Variants in BANP observed in about 807,000 individuals in gnomAD.
BANP encodes the protein BTG3 associated nuclear protein.
Under a neutral mutation model 68.1 loss-of-function variants are expected in BANP, and 11 were observed. The observed-to-expected ratio is 0.16, with a 90% CI of 0.10 to 0.27. BANP has a LOEUF of 0.27. Among genes scored for constraint, BANP ranks in the 10% least tolerant of loss-of-function variants. BANP has a pLI of 1.00. For synonymous variants in BANP, 329 were observed against 303.2 expected, an observed-to-expected ratio of 1.09 and a Z score of -0.88; for missense variants, 504 against 722.7, an observed-to-expected ratio of 0.70 and a Z score of 3.47.
At chr16:88,019,036 G>A (rs75697917) in intron 7 of BANP, among the ~76,000 whole-genome samples, 37 of 18,392 alleles carry the variant, frequency 2.0e-3, no homozygotes, top group African/African-American at 3.2e-3. Context: ...AGGCCCCCCT[G>A]AGCCTCTCCT....
chr16:88,046,349 CA>C (rs1436381145), intron 11 of BANP, among the ~76,000 whole-genome samples: 1 of 152,184 alleles, frequency 6.6e-6, no homozygotes. Flanking sequence ...CCTTTTAAAG[CA>C]GGTCATCTGA....
intron 4 of BANP, among the ~76,000 whole-genome samples, chr16:87,988,717 C>CAGATAA (rs2065101712): frequency 6.6e-6 from 1 of 152,196 alleles, no homozygotes; most frequent in Non-Finnish European, 1.5e-5. Context: ...TCTTGCAGCA[C>CAGATAA]AGATGCAGAC....
At chr16:87,953,703 A>G (rs2057456098) in intron 1 of BANP, among the ~76,000 whole-genome samples, 4 of 152,044 alleles carry the variant, frequency 2.6e-5, no homozygotes, top group Admixed American at 2.6e-4. Flanking sequence ...TTCTCTTGGC[A>G]CTTTCTGTTC....
intron 6 of BANP, among the ~76,000 whole-genome samples, chr16:88,015,364 C>T (rs781346272): frequency 5.9e-5 from 9 of 152,186 alleles, no homozygotes; most frequent in Admixed American, 2.6e-4. Context: ...CTGCCTGTGC[C>T]AGTTCAGCTC....
intron 1 of BANP, chr16:87,970,299 A>C (rs1024264025): frequency 1.3e-5 from 2 of 152,232 alleles, no homozygotes; most frequent in African/African-American, 4.8e-5. Flanking sequence ...AATTAGATTC[A>C]GCATTTTTGT....
chr16:88,004,341 G>A lies in BANP; in HGVS notation c.409G>A (p.Ala137Thr), dbSNP rs768571427. Residue 137 changes from alanine to threonine, a missense_variant, in exon 5 of 14, where the codon GCC (alanine) becomes ACC (threonine). This residue lies in a region of BANP where 238 missense variants were observed against 278.9 expected (regional missense o/e 0.85). Coordinates refer to ENST00000682872, the MANE Select transcript of BANP (RefSeq NM_001386991.1). The surrounding 1 kb of genome is among the most constrained non-coding windows in gnomAD (Gnocchi z 7.0). ...AATACTCAACAATGATCGGCAGAAC[G>A]CCATTGTAGCCAAGATGGAAGACCC... Reference protein sequence around the residue: ...TVILNNDRQNAIVAKMEDPLS... With the variant: ...TVILNNDRQNTIVAKMEDPLS... 16 of 1,550,180 alleles carry A rather than the reference G, an allele frequency of 1.0e-5. No homozygotes were observed. The highest frequency in any genetic ancestry group is 2.0e-5 in the Admixed American group (1 of 50,980).
At chr16:88,001,459 C>G (rs1266245717) in intron 4 of BANP, among the ~76,000 whole-genome samples, 2 of 152,260 alleles carry the variant, frequency 1.3e-5, no homozygotes, top group African/African-American at 4.8e-5. Context: ...TGTTGTGGCA[C>G]TTTTTCCACA....
At chr16:88,030,882 C>G (rs770589930) in intron 8 of BANP, among the ~76,000 whole-genome samples, 11 of 152,192 alleles carry the variant, frequency 7.2e-5, no homozygotes, top group Non-Finnish European at 1.3e-4. Context: ...GGCTGGAAAC[C>G]GTTGTCTTTG....
At chr16:88,025,860 C>T (rs1486658117) in intron 7 of BANP, among the ~76,000 whole-genome samples, 1 of 152,214 alleles carries the variant, frequency 6.6e-6, no homozygotes, top group African/African-American at 2.4e-5. Flanking sequence ...CTTTTTATTA[C>T]TACAATTTTG....
intron 1 of BANP, among the ~76,000 whole-genome samples, chr16:87,967,109 C>T (rs1333512175): frequency 6.6e-6 from 1 of 152,300 alleles, no homozygotes; most frequent in Non-Finnish European, 1.5e-5. Context: ...GTGTCTGATG[C>T]CCCGCACCCA....
At chr16:88,044,107 A>G (rs1301456642) in intron 11 of BANP, among the ~76,000 whole-genome samples, 2 of 152,198 alleles carry the variant, frequency 1.3e-5, no homozygotes, top group Non-Finnish European at 2.9e-5. Flanking sequence ...TGCCGTGGGT[A>G]CCCTGAGCCA....
At chr16:87,963,720 G>A (rs1245332960) in intron 1 of BANP, among the ~76,000 whole-genome samples, 2 of 152,228 alleles carry the variant, frequency 1.3e-5, no homozygotes, top group Non-Finnish European at 1.5e-5. Context: ...CTTAGGTAGC[G>A]ACAGAGAAGA....
intron 8 of BANP, among the ~76,000 whole-genome samples, 180 bp from the exon 9 acceptor site, chr16:88,032,929 A>G (rs528928255): frequency 2.0e-5 from 3 of 152,346 alleles, no homozygotes; most frequent in Admixed American, 2.0e-4. Context: ...CTCAGTTCCT[A>G]AGACTCACTG....
chr16:87,966,395 C>G (rs2060025751), intron 1 of BANP, among the ~76,000 whole-genome samples: 1 of 152,210 alleles, frequency 6.6e-6, no homozygotes, highest in Non-Finnish European at 1.5e-5. Context: ...ACTGGACTAT[C>G]CCCAGGACTT....
intron 7 of BANP, among the ~76,000 whole-genome samples, chr16:88,026,556 C>T (rs1394569810): frequency 2.0e-5 from 3 of 151,938 alleles, no homozygotes; most frequent in Non-Finnish European, 4.4e-5. Flanking sequence ...ACTGTGTTTG[C>T]GAGGGGAACA....
intron 6 of BANP, among the ~76,000 whole-genome samples, chr16:88,011,159 G>A (rs115467655): frequency 0.015 from 2,307 of 152,298 alleles, 53 homozygotes; most frequent in African/African-American, 0.049. Flanking sequence ...GAGTGATGGC[G>A]TCTCAGCGGC....
intron 11 of BANP, among the ~76,000 whole-genome samples, chr16:88,056,006 C>T (rs1292330752): frequency 2.0e-5 from 3 of 152,172 alleles, no homozygotes; most frequent in African/African-American, 2.4e-5. Context: ...TGGAGCTGCC[C>T]GCATGCCTCC....
intron 6 of BANP, among the ~76,000 whole-genome samples, chr16:88,011,931 G>A (rs1038259892): frequency 5.3e-5 from 8 of 152,122 alleles, no homozygotes; most frequent in African/African-American, 7.2e-5. Context: ...ATGTGATATC[G>A]TAGACATCTA....
chr16:88,046,807 C>G (rs2082120808), intron 11 of BANP, among the ~76,000 whole-genome samples: 1 of 152,116 alleles, frequency 6.6e-6, no homozygotes, highest in African/African-American at 2.4e-5. Flanking sequence ...TGCTTCACGC[C>G]TGTAATCCCA....
Sources: allele counts gnomAD v4.1 joint callset (sites outside exome capture counted in the v4.1 genomes callset), GRCh38; gene constraint gnomAD v4.1.1; regional missense constraint gnomAD v4.1.1; non-coding constraint Gnocchi (gnomAD v3.1); transcripts MANE v1.5; gene names NCBI Gene and HGNC (gene_info 2026-07-23, HGNC 2026-07-21).